The following AOPEP variants were observed in gnomAD, a reference collection of about 807,000 sequenced individuals.
The protein encoded by AOPEP is aminopeptidase O (putative).
AOPEP carries 77 observed loss-of-function variants against 98.1 expected under a neutral mutation model. That is an observed-to-expected ratio of 0.78 (90% CI 0.65 to 0.95). The LOEUF is 0.95. AOPEP is among the 40% of genes least tolerant of loss of function. AOPEP has a pLI of 0.00. For missense variants in AOPEP, 1,024 were observed against 1,024.7 expected (o/e 1.00, Z 0.01); for synonymous variants, 346 against 365.3 (o/e 0.95, Z 0.60).
chr9:95,011,693 TC>T (rs1179608456), intron 13 of AOPEP, among the ~76,000 whole-genome samples: 3 of 152,058 alleles, frequency 2.0e-5, no homozygotes, highest in Non-Finnish European at 4.4e-5. Context: ...ATGGCTGTAG[TC>T]CCAGCCACTC....
chr9:95,041,481 G>GTGTGTGTGTGT (rs1554813290), intron 13 of AOPEP, among the ~76,000 whole-genome samples: 2 of 150,390 alleles, frequency 1.3e-5, no homozygotes, highest in East Asian at 2.0e-4. Context: ...GTGTGTGTGT[G>GTGTGTGTGTGT]GAGAGGGAGA....
downstream of AOPEP, among the ~76,000 whole-genome samples, chr9:95,092,077 T>C (rs1243327543): frequency 1.5e-5 from 2 of 137,340 alleles, no homozygotes; most frequent in East Asian, 2.0e-4. Context: ...TGTGTGTGTG[T>C]GTGTGCACAC....
chr9:94,937,976 C>T (rs1315054039), intron 7 of AOPEP, among the ~76,000 whole-genome samples: 2 of 152,124 alleles, frequency 1.3e-5, no homozygotes, highest in South Asian at 2.1e-4. Context: ...TGGGTTCAAG[C>T]GATTCTCCTG....
At chr9:94,910,376 A>G (rs2051840421) in intron 5 of AOPEP, among the ~76,000 whole-genome samples, 1 of 152,230 alleles carries the variant, frequency 6.6e-6, no homozygotes. Flanking sequence ...CTACCCGGGT[A>G]GGACCCCAGC....
At chr9:95,042,027 C>G (rs569445289) in intron 13 of AOPEP, among the ~76,000 whole-genome samples, 76 of 152,196 alleles carry the variant, frequency 5.0e-4, no homozygotes, top group Middle Eastern at 3.4e-3. Flanking sequence ...TAAAGGATGT[C>G]ATTGGCCAGG....
intron 13 of AOPEP, among the ~76,000 whole-genome samples, 178 bp from the exon 14 acceptor site, chr9:95,060,516 T>A (rs543167910): frequency 6.6e-6 from 1 of 152,366 alleles, no homozygotes; most frequent in East Asian, 1.9e-4. Context: ...TCTTTGGGAA[T>A]ACAGACAATG....
chr9:94,982,837 A>T (rs2060272896), intron 11 of AOPEP, among the ~76,000 whole-genome samples: 1 of 151,908 alleles, frequency 6.6e-6, no homozygotes, highest in South Asian at 2.1e-4. Flanking sequence ...TAGATTTTGG[A>T]TTTTTTTTCA....
intron 5 of AOPEP, among the ~76,000 whole-genome samples, chr9:94,832,368 T>C (rs1856165704): frequency 1.3e-5 from 2 of 152,212 alleles, no homozygotes; most frequent in African/African-American, 4.8e-5. Context: ...CACTGAGATA[T>C]CATTTCTTAC....
chr9:94,786,080 A>G (rs1006918275), intron 3 of AOPEP, among the ~76,000 whole-genome samples: 1 of 152,202 alleles, frequency 6.6e-6, no homozygotes, highest in African/African-American at 2.4e-5. Context: ...AATTAGCCTG[A>G]GTGAGCATCA....
chr9:94,944,516 G>T (rs185620469), intron 7 of AOPEP, among the ~76,000 whole-genome samples: 1 of 152,288 alleles, frequency 6.6e-6, no homozygotes, highest in African/African-American at 2.4e-5. Context: ...TGATTTATGT[G>T]AACTGTCCAC....
At chr9:95,051,429 C>T (rs961366641) in intron 13 of AOPEP, among the ~76,000 whole-genome samples, 1 of 151,788 alleles carries the variant, frequency 6.6e-6, no homozygotes, top group South Asian at 2.1e-4. Context: ...TTTAAAAAAC[C>T]CTTAATCGTT....
chr9:94,730,912 C>G (rs1830369244), intron 1 of AOPEP, among the ~76,000 whole-genome samples: 1 of 152,102 alleles, frequency 6.6e-6, no homozygotes, highest in Non-Finnish European at 1.5e-5. Flanking sequence ...CTAAGTAAAG[C>G]ATGTCTTGTA....
At chr9:94,832,012 G>A (rs906934485) in intron 5 of AOPEP, among the ~76,000 whole-genome samples, 2 of 152,106 alleles carry the variant, frequency 1.3e-5, no homozygotes, top group Non-Finnish European at 2.9e-5. Context: ...AAAATGTTGT[G>A]TTGAGCCAAT....
chr9:95,101,649 C>A, the AOPEP span: 1 of 1,607,706 alleles, frequency 6.2e-7, no homozygotes, highest in Admixed American at 1.7e-5. Context: ...ATCACCTGTC[C>A]TGTGGCCCTG....
At chr9:94,760,648 C>T in intron 2 of AOPEP, 68 bp downstream of exon 2, 2 of 1,283,224 alleles carry the variant, frequency 1.6e-6, no homozygotes, top group Non-Finnish European at 2.1e-6. Flanking sequence ...TGCTTTCAAA[C>T]ATGAGACCGG....
rs372115837 is a variant in AOPEP, at chr9:94,939,528, G to A, written c.1661+10997G>A. ...CCCAGGATGGTAGGATGGGGTTTAT[G>A]AGAATGGCTGCCTGGATGAGTTCTG... On this transcript the variant is annotated intron_variant, in intron 7 of 16. Coordinates refer to ENST00000375315, the MANE Select transcript of AOPEP (RefSeq NM_001193329.3). Among the ~76,000 whole-genome samples the A allele has an allele frequency of 6.0e-4, 92 of 152,222 alleles. No homozygotes were observed. The East Asian group carries it at 0.013, about 21-fold the overall frequency.
chr9:94,884,963 C>T (rs557902713), intron 5 of AOPEP, among the ~76,000 whole-genome samples: 5 of 145,204 alleles, frequency 3.4e-5, no homozygotes, highest in Non-Finnish European at 7.4e-5. Context: ...GAGCCGAGAT[C>T]GCACCACTGC....
At chr9:94,813,580 C>T (rs6479568) in intron 5 of AOPEP, among the ~76,000 whole-genome samples, 10,764 of 152,242 alleles carry the variant, frequency 0.071, 1,111 homozygotes, top group African/African-American at 0.23. Context: ...TCTGCTCTGC[C>T]CCTCCCATGA....
At chr9:94,778,755 T>C (rs1356875135) in intron 3 of AOPEP, among the ~76,000 whole-genome samples, 1 of 152,036 alleles carries the variant, frequency 6.6e-6, no homozygotes, top group African/African-American at 2.4e-5. Context: ...TGGCCAGGCG[T>C]GGTGGCTCAC....
Sources: gnomAD v4.1 joint callset for allele counts (sites outside exome capture counted in the v4.1 genomes callset) on GRCh38, gnomAD v4.1.1 for gene constraint, MANE v1.5 for transcripts, NCBI Gene and HGNC (gene_info 2026-07-23, HGNC 2026-07-21) for gene names.